Variants in INCENP observed in about 807,000 individuals in gnomAD.
The protein encoded by INCENP is inner centromere protein.
In INCENP, 43 loss-of-function variants were observed where a neutral mutation model predicts 107.3. That is an observed-to-expected ratio of 0.40 (90% CI 0.31 to 0.52). The LOEUF is 0.52. INCENP is among the 20% of genes least tolerant of loss of function. INCENP has a pLI of 0.53. For missense variants in INCENP, 1,089 were observed against 1,250.9 expected, an observed-to-expected ratio of 0.87 and a Z score of 1.95; for synonymous variants, 488 against 494.4, an observed-to-expected ratio of 0.99 and a Z score of 0.17.
Position 62,128,317 on chromosome 11 carries a change from G to C in INCENP, c.140+16G>C. 6.2e-7 allele frequency: 1 copy of C among 1,613,932 alleles called. No homozygotes were observed. Among genetic ancestry groups the C allele is most frequent in the Non-Finnish European group, 8.5e-7 (1 of 1,179,992 alleles). Reference sequence around the variant, plus strand: ...TGTTCACCAGGTGAAGACGGGCACAGTGAGAGGCTGGGAACACCAGGGCCT... The same window carrying C: ...TGTTCACCAGGTGAAGACGGGCACACTGAGAGGCTGGGAACACCAGGGCCT... On this transcript the variant is annotated intron_variant, in intron 2 of 18. Coordinates refer to ENST00000394818, the MANE Select transcript of INCENP (RefSeq NM_001040694.2).
chr11:62,140,870 C>A, intron 9 of INCENP, 43 bp from the exon 10 acceptor site: 2 of 1,613,640 alleles, frequency 1.2e-6, no homozygotes, highest in Non-Finnish European at 8.5e-7. Context: ...CCTTCAGTAC[C>A]CTGCCCCGCC....
At chr11:62,128,476 A>G (rs1251403501) in intron 2 of INCENP, among the ~76,000 whole-genome samples, 175 bp downstream of exon 2, 1 of 152,192 alleles carries the variant, frequency 6.6e-6, no homozygotes, top group East Asian at 1.9e-4. Context: ...GTGTCATGGG[A>G]AGAGGCAGCA....
rs760369616 is a variant in INCENP at position 62,130,372 on chromosome 11, T to C, written c.845T>C (p.Leu282Pro). 8 of 1,612,528 alleles carry C rather than the reference T, an allele frequency of 5.0e-6. No homozygotes were observed. The Admixed American group carries it at 1.3e-4, about 27-fold the overall frequency. The change falls in exon 4 of 19, where the codon CTG (leucine) becomes CCG (proline). Residue 282 changes from leucine (L) to proline (P), a missense_variant. Leu to Pro is a moderately conservative substitution (Grantham distance 98). Coordinates refer to ENST00000394818, the MANE Select transcript of INCENP (RefSeq NM_001040694.2). ...FPDSPWRERV[L>P]APILPDNFST... Reference sequence around the variant, plus strand: ...GATTCTCCATGGCGGGAGCGGGTGCTGGCTCCCATCCTGCCGGATAACTTC... The same window carrying C: ...GATTCTCCATGGCGGGAGCGGGTGCCGGCTCCCATCCTGCCGGATAACTTC...
At chr11:62,145,985 C>G (rs116277330) in intron 14 of INCENP, among the ~76,000 whole-genome samples, 9 of 152,342 alleles carry the variant, frequency 5.9e-5, no homozygotes, top group African/African-American at 2.2e-4. Flanking sequence ...AGCCAGACTG[C>G]CTATCTCAGC....
At chr11:62,141,598 G>A in intron 11 of INCENP, 87 bp downstream of exon 11, 2 of 1,495,466 alleles carry the variant, frequency 1.3e-6, no homozygotes, top group Non-Finnish European at 1.9e-6. Flanking sequence ...GACAGCACCT[G>A]TAGATGCACT....
chr11:62,136,994 G>A (rs1944006747), intron 4 of INCENP, among the ~76,000 whole-genome samples: 1 of 152,182 alleles, frequency 6.6e-6, no homozygotes, highest in African/African-American at 2.4e-5. Context: ...CCACTGGCCT[G>A]GACATCCTCC....
intron 4 of INCENP, 64 bp from the exon 5 acceptor site, chr11:62,137,768 C>T (rs1944023494): frequency 6.8e-7 from 1 of 1,480,842 alleles, no homozygotes; most frequent in Non-Finnish European, 9.4e-7. Flanking sequence ...GTCCCCTGGA[C>T]CCCTTAGAGT....
In INCENP at chr11:62,138,648, G is replaced by C. The variant is rs1017113099; in HGVS notation, c.1116-65G>C. 6 of 1,498,380 alleles carry C rather than the reference G, an allele frequency of 4.0e-6. No individual in the cohort carries two copies. The African/African-American group carries it at 8.3e-5, about 21-fold the overall frequency. The allele number at this position is 1,498,380 out of a possible 1,614,324, so 92.8% of individuals were successfully genotyped here. A position where few individuals can be genotyped will look rare whatever the true frequency, so the allele number is the denominator to read the frequency against. On this transcript the variant is annotated intron_variant, in intron 5 of 18. Coordinates refer to ENST00000394818, the MANE Select transcript of INCENP (RefSeq NM_001040694.2). ...GTCCCCATCCCTGGAATGGTAGAGG[G>C]ACTCCCTAGGGGGAGGGCTTGGACT...
chr11:62,141,173 G>A, intron 10 of INCENP, 129 bp downstream of exon 10: 1 of 1,317,858 alleles, frequency 7.6e-7, no homozygotes, highest in East Asian at 2.5e-5. Context: ...GCACTGTTAG[G>A]GGCCGGTTGA....
chr11:62,126,429 C>G (rs1339603415), intron 1 of INCENP, among the ~76,000 whole-genome samples: 1 of 152,162 alleles, frequency 6.6e-6, no homozygotes, highest in African/African-American at 2.4e-5. Context: ...AACTCCTGAC[C>G]TCGTGATCTG....
chr11:62,143,621 C>G (rs2134663114), intron 11 of INCENP, among the ~76,000 whole-genome samples: 1 of 152,296 alleles, frequency 6.6e-6, no homozygotes, highest in South Asian at 2.1e-4. Flanking sequence ...CTTACCCGTT[C>G]CCGGGACCCC....
chr11:62,141,354 G>T, intron 10 of INCENP, 146 bp from the exon 11 acceptor site: 1 of 1,024,748 alleles, frequency 9.8e-7, no homozygotes, highest in South Asian at 1.3e-5. Flanking sequence ...GGTGAGGGTT[G>T]GGTGACAGGA....
intron 4 of INCENP, among the ~76,000 whole-genome samples, chr11:62,132,193 T>C (rs183538865): frequency 7.2e-5 from 11 of 152,352 alleles, no homozygotes; most frequent in Admixed American, 6.5e-4. Flanking sequence ...GCAGCATTGT[T>C]AGCTTGTGAG....
intron 6 of INCENP, 21 bp downstream of exon 6, chr11:62,138,791 AG>A (rs1944046682): frequency 6.2e-7 from 1 of 1,613,444 alleles, no homozygotes. Flanking sequence ...TGCCTGGGGA[AG>A]GGAGGACTCA....
intron 11 of INCENP, among the ~76,000 whole-genome samples, chr11:62,142,283 G>C (rs928857785): frequency 1.3e-5 from 2 of 152,262 alleles, no homozygotes; most frequent in Non-Finnish European, 1.5e-5. Flanking sequence ...CTCGGCAGGT[G>C]AGAGGGGCTT....
At chr11:62,131,606 G>A (rs7943493) in intron 4 of INCENP, among the ~76,000 whole-genome samples, 28,720 of 152,116 alleles carry the variant, frequency 0.19, 3,496 homozygotes, top group South Asian at 0.4. Flanking sequence ...CAAGTGATGG[G>A]TGTCTGGGGC....
intron 18 of INCENP, among the ~76,000 whole-genome samples, chr11:62,150,570 G>A (rs1464956333): frequency 6.6e-6 from 1 of 152,228 alleles, no homozygotes; most frequent in Non-Finnish European, 1.5e-5. Flanking sequence ...GCCACCTGGG[G>A]CAGAGGCAGA....
intron 14 of INCENP, 72 bp downstream of exon 14, chr11:62,145,823 T>C: frequency 6.7e-7 from 1 of 1,483,406 alleles, no homozygotes; most frequent in Non-Finnish European, 9.0e-7. Context: ...GGGGCCCTAC[T>C]GGGTGCACCC....
At chr11:62,126,218 T>A (rs3758970) in intron 1 of INCENP, among the ~76,000 whole-genome samples, 1 of 149,954 alleles carries the variant, frequency 6.7e-6, no homozygotes, top group South Asian at 2.1e-4. Flanking sequence ...TTTTTTGAGA[T>A]AGAGTCTCCC....
Sources: gnomAD v4.1 joint callset for allele counts (sites outside exome capture counted in the v4.1 genomes callset) on GRCh38, gnomAD v4.1.1 for gene constraint, MANE v1.5 for transcripts, NCBI Gene and HGNC (gene_info 2026-07-23, HGNC 2026-07-21) for gene names.